The following PRKACB variants were observed in gnomAD, a reference collection of about 807,000 sequenced individuals.
PRKACB encodes protein kinase cAMP-activated catalytic subunit beta, also known as cAMP-dependent protein kinase catalytic subunit beta.
Under a neutral mutation model 51.4 loss-of-function variants are expected in PRKACB, and 16 were observed. The observed-to-expected ratio is 0.31, with a 90% CI of 0.21 to 0.47. The LOEUF (loss-of-function observed/expected upper bound fraction) is 0.47, where lower values mean the gene tolerates loss of function less well. Ranked by LOEUF, PRKACB falls within the 20% of genes least tolerant of loss-of-function variation. The pLI, the probability that PRKACB is intolerant of heterozygous loss-of-function variation, is 1.00. For synonymous variants in PRKACB, 147 were observed against 154.4 expected (o/e 0.95, Z 0.35); for missense variants, 309 against 464.5 (o/e 0.67, Z 3.08).
Position 84,085,165 on chromosome 1 carries a change from C to T in PRKACB, c.46+6794C>T, listed in dbSNP as rs574030479. Among the ~76,000 whole-genome samples, 10 of 152,214 alleles carry T rather than the reference C, an allele frequency of 6.6e-5. No individual in the cohort carries two copies. In the South Asian group the frequency reaches 1.2e-3, roughly 19 times the overall value. On this transcript the variant is annotated intron_variant, in intron 1 of 8. Transcript: ENST00000370688. ...ATATTACTTTTATAATTTAAGTGTG[C>T]ATCCTCTAAGCTATTCGGTTTTGTA...
At chr1:84,147,743 A>G (rs1191670231) in intron 1 of PRKACB, among the ~76,000 whole-genome samples, 4 of 152,084 alleles carry the variant, frequency 2.6e-5, no homozygotes, top group Non-Finnish European at 5.9e-5. Flanking sequence ...TGAGACCTAG[A>G]GAAGAAGGTT....
intron 2 of PRKACB, among the ~76,000 whole-genome samples, chr1:84,179,505 T>C (rs1662495238): frequency 6.6e-6 from 1 of 151,838 alleles, no homozygotes; most frequent in Non-Finnish European, 1.5e-5. Flanking sequence ...CTTAATATTT[T>C]CAAATATATT....
chr1:84,198,013 T>C (rs1668678272), intron 7 of PRKACB, among the ~76,000 whole-genome samples, 189 bp downstream of exon 7: 1 of 152,122 alleles, frequency 6.6e-6, no homozygotes, highest in Non-Finnish European at 1.5e-5. Context: ...GTAACCTCTG[T>C]CAATTTTAAC....
At chr1:84,114,462 T>G (rs1377060831) in intron 1 of PRKACB, among the ~76,000 whole-genome samples, 3 of 151,908 alleles carry the variant, frequency 2.0e-5, no homozygotes, top group Non-Finnish European at 1.5e-5. Flanking sequence ...TTTGTAGTGT[T>G]CTTTTTTTTT....
In PRKACB at chr1:84,144,396, A is replaced by T; in HGVS notation, c.35A>T (p.Tyr12Phe). The T allele has an allele frequency of 6.2e-7, 1 of 1,613,358 alleles. No homozygotes were observed. The highest frequency in any genetic ancestry group is 1.1e-5 in the South Asian group (1 of 91,032). Residue 12 changes from tyrosine (Y) to phenylalanine (F), a missense_variant, in exon 1 of 10, where the codon TAT (tyrosine) becomes TTT (phenylalanine). Physicochemically the swap from Tyr to Phe is conservative, Grantham distance 22 (BLOSUM62 3). Coordinates refer to ENST00000370685, the MANE Select transcript of PRKACB (RefSeq NM_182948.4). The part of the protein sequence containing the change: ...AAYREPPCNQ[Y>F]TGTTTALQKL... ...TATAGAGAACCACCTTGTAACCAGT[A>T]TACAGGTACAACTACAGCTCTTCAG...
chr1:84,090,719 T>C (rs1051596309), intron 1 of PRKACB, among the ~76,000 whole-genome samples: 1 of 152,154 alleles, frequency 6.6e-6, no homozygotes, highest in African/African-American at 2.4e-5. Flanking sequence ...ATAAGCTGTA[T>C]CACCTTTTAT....
chr1:84,119,958 A>G (rs1336517228), intron 1 of PRKACB, among the ~76,000 whole-genome samples: 2 of 151,990 alleles, frequency 1.3e-5, no homozygotes, highest in Non-Finnish European at 2.9e-5. Context: ...TTTATACTCA[A>G]TATGCAAATT....
At chr1:84,199,766 C>T (rs1320575589) in intron 7 of PRKACB, among the ~76,000 whole-genome samples, 1 of 152,180 alleles carries the variant, frequency 6.6e-6, no homozygotes, top group Non-Finnish European at 1.5e-5. Flanking sequence ...TACACTCCTA[C>T]CAACAGTGTC....
At chr1:84,202,543 A>AGGTTC in intron 7 of PRKACB, 140 bp from the exon 8 acceptor site, 1 of 715,914 alleles carries the variant, frequency 1.4e-6, no homozygotes, top group Non-Finnish European at 2.2e-6. Flanking sequence ...GTTCATTTTT[A>AGGTTC]AATTCTGTCC....
At chr1:84,183,345 A>C (rs1664130561) in intron 3 of PRKACB, among the ~76,000 whole-genome samples, 1 of 152,018 alleles carries the variant, frequency 6.6e-6, no homozygotes, top group African/African-American at 2.4e-5. Context: ...ATCTAGAGGA[A>C]GCTTAAGTCT....
intron 1 of PRKACB, among the ~76,000 whole-genome samples, chr1:84,150,169 T>C (rs1264664377): frequency 1.3e-5 from 2 of 151,888 alleles, no homozygotes; most frequent in Non-Finnish European, 2.9e-5. Flanking sequence ...TCCCAGCTAC[T>C]TGGGAGGCTG....
At chr1:84,139,577 C>T (rs1653175884), upstream of PRKACB, among the ~76,000 whole-genome samples, 1 of 152,044 alleles carries the variant, frequency 6.6e-6, no homozygotes, top group Admixed American at 6.6e-5. Context: ...ATTCAAAAGA[C>T]CCAAGTAAAT....
intron 1 of PRKACB, among the ~76,000 whole-genome samples, chr1:84,113,510 T>G (rs1362223437): frequency 2.0e-5 from 3 of 152,170 alleles, no homozygotes; most frequent in Non-Finnish European, 4.4e-5. Context: ...CAATGTGCAC[T>G]TCTAGAAAAA....
chr1:84,200,089 C>T (rs547114009), intron 7 of PRKACB, among the ~76,000 whole-genome samples: 248 of 152,112 alleles, frequency 1.6e-3, no homozygotes, highest in Non-Finnish European at 2.9e-3. Context: ...TCAAGTGGTG[C>T]ACCCTCCTTG....
chr1:84,101,922 G>A (rs1251929786), intron 1 of PRKACB, among the ~76,000 whole-genome samples: 2 of 152,086 alleles, frequency 1.3e-5, no homozygotes, highest in Non-Finnish European at 2.9e-5. Flanking sequence ...GGGCCTCAAA[G>A]CTGCCTGCAG....
intron 1 of PRKACB, among the ~76,000 whole-genome samples, chr1:84,154,801 A>G (rs990784887): frequency 6.6e-6 from 1 of 152,184 alleles, no homozygotes; most frequent in African/African-American, 2.4e-5. Flanking sequence ...TAATCATCTC[A>G]GTAGATGCAG....
intron 9 of PRKACB, among the ~76,000 whole-genome samples, chr1:84,214,944 A>T (rs888324697): frequency 3.3e-5 from 5 of 152,268 alleles, no homozygotes; most frequent in Admixed American, 1.3e-4. Context: ...TTCAAAACTG[A>T]TGTGAAGCCA....
intron 1 of PRKACB, among the ~76,000 whole-genome samples, chr1:84,132,478 A>C (rs1160435462): frequency 1.3e-5 from 2 of 151,980 alleles, no homozygotes; most frequent in Non-Finnish European, 2.9e-5. Flanking sequence ...AACTTTCAAC[A>C]AAAAAAATTA....
chr1:84,180,082 A>G (rs1194965883), intron 2 of PRKACB, among the ~76,000 whole-genome samples: 3 of 147,994 alleles, frequency 2.0e-5, no homozygotes, highest in African/African-American at 7.4e-5. Flanking sequence ...TATTTGAAAA[A>G]GATACTTGCA....
Sources: allele counts gnomAD v4.1 joint callset (sites outside exome capture counted in the v4.1 genomes callset), GRCh38; gene constraint gnomAD v4.1.1; transcripts MANE v1.5; gene names NCBI Gene and HGNC (gene_info 2026-07-23, HGNC 2026-07-21).